The following POLR1C variants were observed in gnomAD, a reference collection of about 807,000 sequenced individuals.
POLR1C encodes DNA-directed RNA polymerases I and III subunit RPAC1.
In POLR1C, 42 loss-of-function variants were observed where a neutral mutation model predicts 38.3. The ratio of observed to expected loss-of-function variants is 1.10; its 90% confidence interval spans 0.86 to 1.42. The LOEUF is 1.42. Ranked by LOEUF, POLR1C falls within the 40% of genes most tolerant of loss-of-function variation. The pLI, the probability that POLR1C is intolerant of heterozygous loss-of-function variation, is 0.00. For synonymous variants in POLR1C, 163 were observed against 163.9 expected (o/e 0.99, Z 0.04); for missense variants, 507 against 450.5 (o/e 1.13, Z -1.14).
chr6:43,553,050 A>G (rs750681594), intron 10 of POLR1C, among the ~76,000 whole-genome samples: 8 of 147,890 alleles, frequency 5.4e-5, no homozygotes, highest in Non-Finnish European at 1.2e-4. Context: ...ATAGTGGGTC[A>G]TGCCCGCAAT....
At chr6:43,554,412 C>T (rs1290295814) in intron 10 of POLR1C, among the ~76,000 whole-genome samples, 3 of 147,124 alleles carry the variant, frequency 2.0e-5, no homozygotes, top group Non-Finnish European at 3.0e-5. Flanking sequence ...TGCCCAGCCG[C>T]TTTTCTTTTC....
rs1223339305 is a variant in POLR1C, at chr6:43,542,580, T to C, written c.*5-8388T>C. ...ACCTGCCACCATGCCCAGCTAATTTTTTTTGTTGGTGGTGGTGGTATTTTG... is the reference window on the plus strand; with the variant it reads ...ACCTGCCACCATGCCCAGCTAATTTCTTTTGTTGGTGGTGGTGGTATTTTG... On this transcript the variant is annotated intron_variant, in intron 9 of 10. Coordinates refer to the POLR1C transcript ENST00000607635. 7.9e-5 allele frequency among the ~76,000 whole-genome samples: 12 copies of C among 152,008 alleles called. 1 individual carries two copies. In the South Asian group the frequency reaches 1.5e-3, roughly 18 times the overall value.
At position 43,520,327 on chromosome 6, in the gene POLR1C, T is replaced by G. The variant is rs1188392415; in HGVS notation, c.555T>G (p.Phe185Leu). 6.2e-7 allele frequency: 1 copy of G among 1,613,400 alleles called. No individual in the cohort carries two copies. The highest frequency in any genetic ancestry group is 1.7e-5 in the Admixed American group (1 of 60,024). The change falls in exon 6 of 9, where the codon TTT becomes TTG. Residue 185 changes from phenylalanine to leucine, a missense_variant. Coordinates refer to ENST00000642195, the MANE Select transcript of POLR1C (RefSeq NM_203290.4). ...CCCTGGGGAACCAGGCTGATCTCTT[T>G]CCAGAGGGCACTATCCGACCAGTGC... The part of the protein sequence containing the change: ...WIPLGNQADL[F>L]PEGTIRPVHD...
chr6:43,539,190 TC>T, intron 9 of POLR1C: 1 of 1,136,312 alleles, frequency 8.8e-7, no homozygotes, highest in South Asian at 1.3e-5. Flanking sequence ...CCGATCTTGT[TC>T]CCCTAGTAGC....
intron 9 of POLR1C, chr6:43,550,037 T>A: frequency 8.1e-7 from 1 of 1,239,630 alleles, no homozygotes; most frequent in Non-Finnish European, 1.2e-6. Context: ...CTCAACTGAT[T>A]CTCCTGCTTT....
At chr6:43,536,004 TC>T (rs1183281761) in intron 9 of POLR1C, among the ~76,000 whole-genome samples, 2 of 147,226 alleles carry the variant, frequency 1.4e-5, no homozygotes, top group Non-Finnish European at 3.0e-5. Context: ...ATGCCTGTAA[TC>T]CCAGCTTCTC....
At chr6:43,541,974 T>G (rs9472073) in intron 9 of POLR1C, among the ~76,000 whole-genome samples, 2,783 of 152,158 alleles carry the variant, frequency 0.018, 99 homozygotes, top group African/African-American at 0.063. Flanking sequence ...GAGATGGGGT[T>G]TCACCATGTT....
At chr6:43,531,354 A>C (rs1264364814), downstream of POLR1C, 8 of 844,504 alleles carry the variant, frequency 9.5e-6, no homozygotes, top group African/African-American at 1.7e-5. Context: ...CACTAGAATG[A>C]TAAGTTTCCT....
chr6:43,528,926 G>A (rs1344915005), intron 8 of POLR1C: 7 of 1,609,802 alleles, frequency 4.3e-6, no homozygotes, highest in African/African-American at 1.3e-5. Flanking sequence ...ACAAAGACAC[G>A]TGCTGCAACA....
At chr6:43,518,614 G>A (rs1792967970) in intron 2 of POLR1C, among the ~76,000 whole-genome samples, 1 of 152,198 alleles carries the variant, frequency 6.6e-6, no homozygotes. Flanking sequence ...ATGGGTGGAA[G>A]TCGATCATCA....
intron 10 of POLR1C, among the ~76,000 whole-genome samples, chr6:43,557,007 A>G (rs1348032333): frequency 6.6e-6 from 1 of 152,082 alleles, no homozygotes; most frequent in Admixed American, 6.5e-5. Flanking sequence ...GCATGCCTAT[A>G]ATCCCAGTTA....
At chr6:43,551,322 C>T in intron 10 of POLR1C, 1 of 1,613,300 alleles carries the variant, frequency 6.2e-7, no homozygotes, top group East Asian at 2.2e-5. Flanking sequence ...GGGGCAGGAA[C>T]TCTGGTCTGT....
intron 9 of POLR1C, among the ~76,000 whole-genome samples, chr6:43,542,824 G>A (rs1794770847): frequency 6.6e-6 from 1 of 152,134 alleles, no homozygotes; most frequent in Non-Finnish European, 1.5e-5. Context: ...TATAAAAACA[G>A]AAAATACACA....
At chr6:43,522,980 C>T (rs1239605707), downstream of POLR1C, 1 of 173,938 alleles carries the variant, frequency 5.7e-6, no homozygotes, top group Non-Finnish European at 1.3e-5. Flanking sequence ...GTGGAAGGCA[C>T]CTGGACTTAG....
At chr6:43,545,983 G>A (rs1313005514) in intron 9 of POLR1C, among the ~76,000 whole-genome samples, 1 of 152,024 alleles carries the variant, frequency 6.6e-6, no homozygotes, top group African/African-American at 2.4e-5. Flanking sequence ...AGTATGTCTG[G>A]GGTGGGGCCT....
intron 4 of POLR1C, 46 bp from the exon 5 acceptor site, chr6:43,520,020 C>T (rs779991362): frequency 1.2e-6 from 2 of 1,609,584 alleles, no homozygotes; most frequent in South Asian, 1.1e-5. Context: ...ATAGTGCTGG[C>T]ACTCAGACGT....
At chr6:43,527,520 G>A (rs1793675194) in intron 8 of POLR1C, 3 of 1,020,886 alleles carry the variant, frequency 2.9e-6, no homozygotes, top group African/African-American at 1.6e-5. Flanking sequence ...AATCCACCAT[G>A]CCCGCCGCAA....
chr6:43,529,574 G>GA (rs1267728878), exon 9 of POLR1C: 1 of 178,760 alleles, frequency 5.6e-6, no homozygotes, highest in Non-Finnish European at 1.2e-5. Context: ...AAAAAGAAAA[G>GA]AAAGAAAGAG....
At chr6:43,528,222 G>A (rs1183538983) in intron 8 of POLR1C, 1 of 1,582,422 alleles carries the variant, frequency 6.3e-7, no homozygotes, top group South Asian at 1.2e-5. Flanking sequence ...AAACACAAAG[G>A]AAATAAATGC....
Sources: gnomAD v4.1 joint callset for allele counts (sites outside exome capture counted in the v4.1 genomes callset) on GRCh38, gnomAD v4.1.1 for gene constraint, MANE v1.5 for transcripts, NCBI Gene and HGNC (gene_info 2026-07-23, HGNC 2026-07-21) for gene names.